The following SEMA6D variants were observed in gnomAD, a reference collection of about 807,000 sequenced individuals.
SEMA6D encodes the protein semaphorin 6D.
Under a neutral mutation model 106.6 loss-of-function variants are expected in SEMA6D, and 35 were observed. That is an observed-to-expected ratio of 0.33 (90% CI 0.25 to 0.44). SEMA6D has a LOEUF of 0.44. SEMA6D is among the 20% of genes least tolerant of loss of function. The pLI, the probability that SEMA6D is intolerant of heterozygous loss-of-function variation, is 1.00. For synonymous variants in SEMA6D, 499 were observed against 487.7 expected, an observed-to-expected ratio of 1.02 and a Z score of -0.31; for missense variants, 1,185 against 1,345.9, an observed-to-expected ratio of 0.88 and a Z score of 1.87.
chr15:47,189,057 T>G (rs952765633), intron 1 of SEMA6D, among the ~76,000 whole-genome samples: 3 of 152,186 alleles, frequency 2.0e-5, no homozygotes, highest in Admixed American at 6.5e-5. Context: ...CTGGGCACAC[T>G]AAGACTTAAG....
intron 2 of SEMA6D, among the ~76,000 whole-genome samples, chr15:47,424,994 A>C (rs2041283974): frequency 6.6e-6 from 1 of 152,046 alleles, no homozygotes; most frequent in African/African-American, 2.4e-5. Context: ...GGTCTGGGAC[A>C]AGGTTCCTCT....
intron 1 of SEMA6D, among the ~76,000 whole-genome samples, chr15:47,728,405 G>C (rs899857569): frequency 6.6e-6 from 1 of 152,216 alleles, no homozygotes; most frequent in African/African-American, 2.4e-5. Flanking sequence ...CATACTCTGT[G>C]TGGTGACATC....
intron 1 of SEMA6D, among the ~76,000 whole-genome samples, chr15:47,224,941 T>C (rs1308455531): frequency 6.6e-6 from 1 of 151,902 alleles, no homozygotes; most frequent in African/African-American, 2.4e-5. Flanking sequence ...GCTTGGTTTG[T>C]GTAATAGCAG....
intron 3 of SEMA6D, among the ~76,000 whole-genome samples, chr15:47,496,217 T>C (rs2043652115): frequency 6.6e-6 from 1 of 152,112 alleles, no homozygotes; most frequent in African/African-American, 2.4e-5. Flanking sequence ...GTGCAGTGAT[T>C]TTCCATGACT....
chr15:47,679,639 C>T (rs1313366763), intron 4 of SEMA6D, among the ~76,000 whole-genome samples: 1 of 151,944 alleles, frequency 6.6e-6, no homozygotes, highest in Non-Finnish European at 1.5e-5. Context: ...TCACTGTTCC[C>T]CAAAGTGCTT....
At chr15:47,294,996 C>G (rs999987158) in intron 1 of SEMA6D, among the ~76,000 whole-genome samples, 1 of 152,012 alleles carries the variant, frequency 6.6e-6, no homozygotes, top group Non-Finnish European at 1.5e-5. Flanking sequence ...TCATTAATAC[C>G]CTTTTAGCCT....
Position 47,730,910 on chromosome 15 carries a change from C to T in SEMA6D, c.-55+13218C>T. 4 of 826,230 alleles carry T rather than the reference C, an allele frequency of 4.8e-6. No homozygotes were observed. The East Asian group carries it at 1.0e-4, about 21-fold the overall frequency. The allele number at this position is 826,230 out of a possible 1,614,324, so 51.2% of individuals were successfully genotyped here. On this transcript the variant is annotated intron_variant, in intron 1 of 18. Transcript: ENST00000536845. ...TGCAGGGGCCGGAGCCACCTTCTTT[C>T]CCTTGGCCTTCTTTCCTTTCAGCAT...
chr15:47,396,209 C>G (rs1280369059), intron 1 of SEMA6D: 1 of 152,040 alleles, frequency 6.6e-6, no homozygotes, highest in African/African-American at 2.4e-5. Context: ...ACTTAAGCCA[C>G]CCAGTCTATG....
At chr15:47,311,220 T>C (rs1334458139) in intron 1 of SEMA6D, among the ~76,000 whole-genome samples, 2 of 152,190 alleles carry the variant, frequency 1.3e-5, no homozygotes, top group East Asian at 1.9e-4. Flanking sequence ...CATTATATGC[T>C]CTCTTCCATA....
intron 3 of SEMA6D, among the ~76,000 whole-genome samples, chr15:47,567,612 G>A (rs539508036): frequency 5.3e-5 from 8 of 152,104 alleles, no homozygotes; most frequent in South Asian, 4.2e-4. Flanking sequence ...CACTTCTTTC[G>A]TATGTGAACA....
chr15:47,417,751 T>C (rs903486443), intron 2 of SEMA6D, among the ~76,000 whole-genome samples: 5 of 152,060 alleles, frequency 3.3e-5, no homozygotes, highest in Non-Finnish European at 7.4e-5. Context: ...AATAGACATC[T>C]CTAAATATTA....
intron 4 of SEMA6D, among the ~76,000 whole-genome samples, chr15:47,698,750 A>G (rs1232217923): frequency 6.6e-6 from 1 of 152,030 alleles, no homozygotes; most frequent in Non-Finnish European, 1.5e-5. Context: ...CTCTTTTCCT[A>G]TGAGTTCTGC....
At chr15:47,569,983 C>T (rs920442776) in intron 3 of SEMA6D, among the ~76,000 whole-genome samples, 21 of 151,790 alleles carry the variant, frequency 1.4e-4, no homozygotes, top group African/African-American at 5.1e-4. Context: ...ATTGCTTGAA[C>T]CTGGGAGGCA....
chr15:47,523,860 G>A (rs368303998), intron 3 of SEMA6D, among the ~76,000 whole-genome samples: 3 of 152,068 alleles, frequency 2.0e-5, no homozygotes, highest in African/African-American at 7.2e-5. Flanking sequence ...CTGTACTCCC[G>A]GGCCATTACA....
At chr15:47,485,636 T>C (rs920950036) in intron 3 of SEMA6D, among the ~76,000 whole-genome samples, 1 of 152,122 alleles carries the variant, frequency 6.6e-6, no homozygotes, top group Non-Finnish European at 1.5e-5. Flanking sequence ...TTGACCACTG[T>C]CCAGAACTGA....
chr15:47,514,563 C>T (rs539018645), intron 3 of SEMA6D, among the ~76,000 whole-genome samples: 2 of 152,270 alleles, frequency 1.3e-5, no homozygotes, highest in African/African-American at 4.8e-5. Flanking sequence ...TTTGATTCTT[C>T]TCCTTCTATG....
At chr15:47,529,431 T>C (rs2044873978) in intron 3 of SEMA6D, among the ~76,000 whole-genome samples, 1 of 152,124 alleles carries the variant, frequency 6.6e-6, no homozygotes, top group South Asian at 2.1e-4. Flanking sequence ...TCAACTGTAT[T>C]GGGCAACAAG....
intron 1 of SEMA6D, among the ~76,000 whole-genome samples, chr15:47,232,908 G>A (rs1252082747): frequency 4.0e-5 from 6 of 151,594 alleles, no homozygotes; most frequent in Admixed American, 1.3e-4. Context: ...TAGTGTTCTT[G>A]GATACACACA....
At chr15:47,605,967 G>T (rs1379881643) in intron 4 of SEMA6D, among the ~76,000 whole-genome samples, 1 of 152,120 alleles carries the variant, frequency 6.6e-6, no homozygotes. Context: ...GGACCTGGAG[G>T]TTGAGGGTTG....
Sources: allele counts gnomAD v4.1 joint callset (sites outside exome capture counted in the v4.1 genomes callset), GRCh38; gene constraint gnomAD v4.1.1; transcripts MANE v1.5; gene names NCBI Gene and HGNC (gene_info 2026-07-23, HGNC 2026-07-21).